Variants in HERC6 observed in about 807,000 individuals in gnomAD.
HERC6 encodes the protein HECT and RLD domain containing E3 ubiquitin protein ligase family member 6, also known as probable E3 ubiquitin-protein ligase HERC6.
Under a neutral mutation model 114.5 loss-of-function variants are expected in HERC6, and 101 were observed. The observed-to-expected ratio is 0.88, with a 90% CI of 0.75 to 1.04. The LOEUF (loss-of-function observed/expected upper bound fraction) is 1.04. HERC6 is among the 50% of genes least tolerant of loss of function. HERC6 has a pLI of 0.00. For missense variants in HERC6, 1,133 were observed against 1,230.9 expected (o/e 0.92, Z 1.19); for synonymous variants, 408 against 436.2 (o/e 0.94, Z 0.81).
intron 3 of HERC6, among the ~76,000 whole-genome samples, chr4:88,385,801 C>A (rs1734545900): frequency 6.6e-6 from 1 of 152,124 alleles, no homozygotes; most frequent in Non-Finnish European, 1.5e-5. Context: ...GGTTATTTGA[C>A]CTAACTGGCC....
chr4:88,401,118 G>A (rs1735511907), intron 8 of HERC6, among the ~76,000 whole-genome samples: 1 of 152,164 alleles, frequency 6.6e-6, no homozygotes. Flanking sequence ...GGGAACAAGT[G>A]CAAACAATGC....
chr4:88,432,439 G>A (rs889354503), intron 17 of HERC6, among the ~76,000 whole-genome samples: 3 of 151,922 alleles, frequency 2.0e-5, no homozygotes, highest in Non-Finnish European at 4.4e-5. Flanking sequence ...GTGATTCATG[G>A]CCAGGTGCGG....
intron 5 of HERC6, among the ~76,000 whole-genome samples, chr4:88,393,980 T>G (rs72879345): frequency 0.095 from 14,472 of 152,108 alleles, 842 homozygotes; most frequent in East Asian, 0.23. Context: ...GGCATTGAGG[T>G]TTAGGACTTC....
At chr4:88,387,952 G>T (rs762591928) in intron 3 of HERC6, among the ~76,000 whole-genome samples, 1 of 152,212 alleles carries the variant, frequency 6.6e-6, no homozygotes, top group Non-Finnish European at 1.5e-5. Flanking sequence ...ATGGTGAAAG[G>T]TGAGTTCTCA....
intron 4 of HERC6, among the ~76,000 whole-genome samples, chr4:88,393,149 T>G (rs537141626): frequency 6.6e-4 from 100 of 152,328 alleles, no homozygotes; most frequent in Non-Finnish European, 1.0e-3. Flanking sequence ...TTCCGGAAGA[T>G]TAGATAGCTT....
intron 13 of HERC6, 91 bp downstream of exon 13, chr4:88,417,670 A>C: frequency 2.7e-6 from 3 of 1,091,466 alleles, no homozygotes; most frequent in Non-Finnish European, 3.8e-6. Flanking sequence ...AAGTCAAATA[A>C]AAATCATGAG....
chr4:88,436,255 T>C (rs576931017), intron 18 of HERC6, among the ~76,000 whole-genome samples: 2 of 152,158 alleles, frequency 1.3e-5, no homozygotes, highest in East Asian at 1.9e-4. Flanking sequence ...ATAAAAAAAC[T>C]GAAAATATGC....
chr4:88,404,760 T>G, intron 8 of HERC6, 116 bp from the exon 9 acceptor site: 1 of 1,322,908 alleles, frequency 7.6e-7, no homozygotes, highest in Admixed American at 2.7e-5. Flanking sequence ...TCCCACCAAA[T>G]GCTACCACCC....
At chr4:88,428,504 A>G in intron 15 of HERC6, 76 bp from the exon 16 acceptor site, 1 of 1,099,516 alleles carries the variant, frequency 9.1e-7, no homozygotes, top group East Asian at 2.6e-5. Flanking sequence ...CAAAATGTTT[A>G]TTGGAAGTAT....
At chr4:88,424,239 C>A (rs1454453982) in intron 14 of HERC6, among the ~76,000 whole-genome samples, 2 of 152,292 alleles carry the variant, frequency 1.3e-5, no homozygotes, top group South Asian at 2.1e-4. Context: ...GTAATCCCAG[C>A]ACTTTGGGAG....
rs140126159 is a variant in HERC6 at position 88,439,779 on chromosome 4, CAATAGA to C, written c.2556-89_2556-84del. 1.2e-4 allele frequency: 148 copies of C among 1,188,856 alleles called. No homozygotes were observed. In the African/African-American group the frequency reaches 1.8e-3, roughly 15 times the overall value. 73.6% of individuals were successfully genotyped at this position (1,188,856 alleles called of 1,614,324 possible). ...ATAGAAGTAATTTACTTTTCCTTCT[CAATAGA>C]AATAGTAAAAAGAACAAAGTATAAA... On this transcript the variant is annotated intron_variant, in intron 20 of 22. Coordinates refer to ENST00000264346, the MANE Select transcript of HERC6 (RefSeq NM_017912.4).
chr4:88,404,470 T>G (rs770343802), intron 8 of HERC6, among the ~76,000 whole-genome samples: 3 of 152,228 alleles, frequency 2.0e-5, no homozygotes, highest in Non-Finnish European at 4.4e-5. Flanking sequence ...ATTGCAGGCA[T>G]GAGCCACTGT....
At chr4:88,388,279 G>A (rs1173380050) in intron 3 of HERC6, among the ~76,000 whole-genome samples, 1 of 152,028 alleles carries the variant, frequency 6.6e-6, no homozygotes, top group African/African-American at 2.4e-5. Context: ...GGCTGGGCAC[G>A]GTGGCTCATG....
intron 22 of HERC6, among the ~76,000 whole-genome samples, chr4:88,441,264 T>C (rs1739323897): frequency 6.6e-6 from 1 of 152,244 alleles, no homozygotes; most frequent in African/African-American, 2.4e-5. Context: ...CAACTGATGA[T>C]AATAATAGCA....
intron 13 of HERC6, among the ~76,000 whole-genome samples, chr4:88,420,502 T>C (rs1468129864): frequency 3.3e-5 from 5 of 152,240 alleles, no homozygotes; most frequent in Admixed American, 3.3e-4. Flanking sequence ...GCTCTCTGTT[T>C]ATTTAGTTCT....
rs752098490 is a variant in HERC6, at chr4:88,442,480, G to A, written c.*20G>A. The stretch of plus-strand genomic sequence containing the variant: ...TCATAATCACCTCTGAGAGACTCAG[G>A]GTGGGCTTTCTCACACTTGGATCCT... On this transcript the variant is annotated 3_prime_UTR_variant, in exon 23 of 23. Transcript: ENST00000264346. 9 of 1,580,040 alleles carry A rather than the reference G, an allele frequency of 5.7e-6. No individual in the cohort carries two copies. The highest frequency in any genetic ancestry group is 7.8e-6 in the Non-Finnish European group (9 of 1,151,412).
At chr4:88,427,270 A>T (rs1737733241) in intron 15 of HERC6, among the ~76,000 whole-genome samples, 1 of 152,210 alleles carries the variant, frequency 6.6e-6, no homozygotes, top group African/African-American at 2.4e-5. Flanking sequence ...CGGAGTAGAG[A>T]AGCTAGAAAT....
chr4:88,433,415 C>A (rs1738434550), intron 17 of HERC6, among the ~76,000 whole-genome samples: 1 of 152,140 alleles, frequency 6.6e-6, no homozygotes, highest in Non-Finnish European at 1.5e-5. Context: ...AATGTGGTAG[C>A]CTTGAAAAGG....
chr4:88,404,567 GGTT>G (rs1553914880), intron 8 of HERC6, among the ~76,000 whole-genome samples: 2 of 152,072 alleles, frequency 1.3e-5, no homozygotes, highest in Non-Finnish European at 2.9e-5. Context: ...TATGGACATG[GGTT>G]GTTTCCATCT....
Sources: allele counts gnomAD v4.1 joint callset (sites outside exome capture counted in the v4.1 genomes callset), GRCh38; gene constraint gnomAD v4.1.1; transcripts MANE v1.5; gene names NCBI Gene and HGNC (gene_info 2026-07-23, HGNC 2026-07-21).